Variants in NEURL4 observed in about 807,000 individuals in gnomAD.
NEURL4 encodes neuralized-like protein 4.
NEURL4 carries 45 observed loss-of-function variants against 148.0 expected under a neutral mutation model. The observed-to-expected ratio is 0.30, with a 90% CI of 0.24 to 0.39. The LOEUF is 0.39. NEURL4 is among the 10% of genes least tolerant of loss of function. The pLI, the probability that NEURL4 is intolerant of heterozygous loss-of-function variation, is 1.00. For missense variants in NEURL4, 1,776 were observed against 2,144.0 expected (o/e 0.83, Z 3.39); for synonymous variants, 854 against 869.0 (o/e 0.98, Z 0.30).
rs2072980016 is a variant in NEURL4 at position 7,318,380 on chromosome 17, C to G, written c.3865-24G>C. ...ACCTGCAGGGGAGAGGGTAGTCAGACAGAGCTTGGTCAGACCCCAGGGCCT... is the reference window on the plus strand; with the variant it reads ...ACCTGCAGGGGAGAGGGTAGTCAGAGAGAGCTTGGTCAGACCCCAGGGCCT... On this transcript the variant is annotated intron_variant, in intron 23 of 28. Coordinates refer to ENST00000399464, the MANE Select transcript of NEURL4 (RefSeq NM_032442.3). This position sits in a 1 kb window ranked among gnomAD's most constrained non-coding sequence, Gnocchi z 4.3. 6.2e-7 allele frequency: 1 copy of G among 1,613,626 alleles called. No individual in the cohort carries two copies. Among genetic ancestry groups the G allele is most frequent in the East Asian group, 2.2e-5 (1 of 44,880 alleles).
chr17:7,323,188 C>A (rs2073055537), intron 14 of NEURL4, 65 bp from the exon 15 acceptor site: 1 of 1,535,584 alleles, frequency 6.5e-7, no homozygotes, highest in East Asian at 2.3e-5. Flanking sequence ...CCCCTGCCCA[C>A]TCCCTGTCTG....
At chr17:7,323,218 T>C (rs2073055828) in intron 14 of NEURL4, 95 bp from the exon 15 acceptor site, 24 of 1,357,380 alleles carry the variant, frequency 1.8e-5, no homozygotes, top group Non-Finnish European at 2.3e-5. Flanking sequence ...TCCAATGTCT[T>C]GGGCTGGTGT....
intron 21 of NEURL4, among the ~76,000 whole-genome samples, chr17:7,319,701 A>AAAAAAAAC (rs1372505305): frequency 2.2e-5 from 2 of 89,198 alleles, no homozygotes; most frequent in Non-Finnish European, 4.7e-5. Flanking sequence ...ACTCCGTCTC[A>AAAAAAAAC]AAAAAAACAA....
chr17:7,321,418 C>A lies in NEURL4; in HGVS notation c.3141G>T (p.Thr1047=). The change falls in exon 19 of 29, where the codon ACG becomes ACT. Residue 1047 remains threonine, a synonymous_variant. Coordinates refer to ENST00000399464, the MANE Select transcript of NEURL4 (RefSeq NM_032442.3). The surrounding 1 kb of genome is among the most constrained non-coding windows in gnomAD (Gnocchi z 6.3). ...RVGVRRGADD[T]MHILVDGEDM... ...CCTCTCCATCCACCAGGATGTGCATCGTGTCATCTGCCCCCCGACGAACAC... is the reference window on the plus strand; with the variant it reads ...CCTCTCCATCCACCAGGATGTGCATAGTGTCATCTGCCCCCCGACGAACAC... 1 of 1,614,158 alleles carries A rather than the reference C, an allele frequency of 6.2e-7. No homozygotes were observed. The highest frequency in any genetic ancestry group is 8.5e-7 in the Non-Finnish European group (1 of 1,180,030).
chr17:7,322,031 T>A lies in NEURL4; in HGVS notation c.2726-21A>T, dbSNP rs753500368. ...AGCCACTGTGAAGAGATGGCACCAG[T>A]AGAAGGGGTAGGATTGGGGCAGCGA... is the stretch of plus-strand genomic sequence containing the variant. On this transcript the variant is annotated intron_variant, in intron 16 of 28. Transcript: ENST00000399464. This position sits in a 1 kb window ranked among gnomAD's most constrained non-coding sequence, Gnocchi z 5.5. 1.3e-6 allele frequency: 2 copies of A among 1,588,146 alleles called. No homozygotes were observed.
rs749273602 is a variant in NEURL4, at chr17:7,324,933, A to T, written c.1679T>A (p.Leu560Gln). ...NHGVVLSSRALRDGEVFQVRI... is the reference protein window; with the variant it reads ...NHGVVLSSRAQRDGEVFQVRI... ...CACCTGGAACACCTCTCCATCCCGC[A>T]GGGCTCTGCTGCTCAGCACCACGCC... The change falls in exon 9 of 29, where the codon CTG becomes CAG. Residue 560 changes from leucine (L) to glutamine (Q), a missense_variant. Physicochemically the swap from Leu to Gln is moderately radical, Grantham distance 113. Coordinates refer to ENST00000399464, the MANE Select transcript of NEURL4 (RefSeq NM_032442.3). This position sits in a 1 kb window ranked among gnomAD's most constrained non-coding sequence, Gnocchi z 5.9. 1 of 1,614,156 alleles carries T rather than the reference A, an allele frequency of 6.2e-7. No homozygotes were observed. Among genetic ancestry groups the T allele is most frequent in the Admixed American group, 1.7e-5 (1 of 60,020 alleles).
In NEURL4 at chr17:7,327,061, C is replaced by T. The variant is rs756355162; in HGVS notation, c.794-52G>A. 22 of 1,601,304 alleles carry T rather than the reference C, an allele frequency of 1.4e-5. No individual in the cohort carries two copies. The highest frequency in any genetic ancestry group is 1.8e-5 in the Non-Finnish European group (21 of 1,176,172). ...GCTCGGAAGTTGGGATGAGGCTCTA[C>T]ACCCCCAGACCTGGTGCCTCTCTCC... On this transcript the variant is annotated intron_variant, in intron 3 of 28. Transcript: ENST00000399464. This position sits in a 1 kb window ranked among gnomAD's most constrained non-coding sequence, Gnocchi z 6.6.
chr17:7,322,955 C>A lies in NEURL4; in HGVS notation c.2586G>T (p.Pro862=). The A allele has an allele frequency of 6.2e-7, 1 of 1,613,434 alleles. No homozygotes were observed. Among genetic ancestry groups the A allele is most frequent in the Non-Finnish European group, 8.5e-7 (1 of 1,179,710 alleles). The part of the protein sequence containing the change: ...DQGAACSGLP[P]GKEVYAVVDL... ...TGAAAGCCACATAGTCACCTTTACCCGGAGGCAGGCCCGAGCAGGCAGCGC... is the reference window on the plus strand; with the variant it reads ...TGAAAGCCACATAGTCACCTTTACCAGGAGGCAGGCCCGAGCAGGCAGCGC... Residue 862 remains proline (P), a synonymous_variant, in exon 15 of 29, where the codon CCG becomes CCT. Transcript: ENST00000399464. This position sits in a 1 kb window ranked among gnomAD's most constrained non-coding sequence, Gnocchi z 5.5.
chr17:7,328,187 C>A (rs2073127603), intron 1 of NEURL4, among the ~76,000 whole-genome samples: 1 of 152,196 alleles, frequency 6.6e-6, no homozygotes, highest in Non-Finnish European at 1.5e-5. Context: ...CATCCAAATT[C>A]TCCTACTTCC....
intron 7 of NEURL4, 67 bp downstream of exon 7, chr17:7,325,573 AG>A (rs1277552323): frequency 1.6e-5 from 26 of 1,585,540 alleles, no homozygotes; most frequent in Non-Finnish European, 2.2e-5. Context: ...CAGGAGGATG[AG>A]GTACAGCCCC....
rs1283350046 is a variant in NEURL4 at position 7,318,481 on chromosome 17, C to G, written c.3864+14G>C. 8 of 1,600,966 alleles carry G rather than the reference C, an allele frequency of 5.0e-6. No individual in the cohort carries two copies. In the Middle Eastern group the frequency reaches 5.0e-4, roughly 100 times the overall value. ...TCTCAGGCACCCCTCCTCCCTGCCC[C>G]CACTGCCACTAACCTGCTCACACTG... On this transcript the variant is annotated intron_variant, in intron 23 of 28. Transcript: ENST00000399464. This position sits in a 1 kb window ranked among gnomAD's most constrained non-coding sequence, Gnocchi z 4.3.
chr17:7,321,932 C>A lies in NEURL4; in HGVS notation c.2804G>T (p.Arg935Leu). 1 of 1,613,932 alleles carries A rather than the reference C, an allele frequency of 6.2e-7. No homozygotes were observed. Among genetic ancestry groups the A allele is most frequent in the South Asian group, 1.1e-5 (1 of 91,088 alleles). Residue 935 changes from arginine to leucine, a missense_variant, in exon 17 of 29, where the codon CGT becomes CTT. Transcript: ENST00000399464. This position sits in a 1 kb window ranked among gnomAD's most constrained non-coding sequence, Gnocchi z 6.3. ...TLEEDGTRAV[R>L]AAGYAHGLVF... ...AAGGCCATGAGCATAGCCAGCGGCA[C>A]GCACTGCCCTCGTGCCATCCTCCTC...
chr17:7,321,952 C>T lies in NEURL4; in HGVS notation c.2784G>A (p.Glu928=), dbSNP rs2073040300. The T allele has an allele frequency of 6.2e-7, 1 of 1,613,780 alleles. No homozygotes were observed. Among genetic ancestry groups the T allele is most frequent in the Non-Finnish European group, 8.5e-7 (1 of 1,180,006 alleles). ...CGGCACGCACTGCCCTCGTGCCATC[C>T]TCCTCTAGAGTGACGTTCTTGCCGC... The part of the protein sequence containing the change: ...STCGKNVTLE[E]DGTRAVRAAG... The change falls in exon 17 of 29, where the codon GAG becomes GAA. Residue 928 remains glutamate (E), a synonymous_variant. Transcript: ENST00000399464. This position sits in a 1 kb window ranked among gnomAD's most constrained non-coding sequence, Gnocchi z 6.3.
chr17:7,319,164 G>C lies in NEURL4; in HGVS notation c.3570C>G (p.Val1190=). 6.2e-7 allele frequency: 1 copy of C among 1,613,884 alleles called. No individual in the cohort carries two copies. The highest frequency in any genetic ancestry group is 8.5e-7 in the Non-Finnish European group (1 of 1,179,912). ...FLNRQWTSSL[V]LGVITCAPER... is the part of the protein sequence containing the mutation. Reference sequence around the variant, plus strand: ...CAGGCGCGCAGGTGATGACTCCCAGGACAAGGGAAGATGTCCACTGTCGGT... The same window carrying C: ...CAGGCGCGCAGGTGATGACTCCCAGCACAAGGGAAGATGTCCACTGTCGGT... Residue 1190 remains valine (V), a synonymous_variant, in exon 22 of 29, where the codon GTC becomes GTG. Transcript: ENST00000399464.
intron 8 of NEURL4, 65 bp downstream of exon 8, chr17:7,325,144 T>TTGGGGGG: frequency 2.9e-5 from 28 of 956,422 alleles, no homozygotes; most frequent in Non-Finnish European, 4.3e-5. Context: ...TCCACTTCCT[T>TTGGGGGG]GCCCCGCCCC....
chr17:7,325,306 G>A lies in NEURL4; in HGVS notation c.1534C>T (p.Pro512Ser), dbSNP rs2073090074. The A allele has an allele frequency of 6.2e-7, 1 of 1,611,624 alleles. No homozygotes were observed. Among genetic ancestry groups the A allele is most frequent in the Non-Finnish European group, 8.5e-7 (1 of 1,179,146 alleles). The change falls in exon 8 of 29, where the codon CCT becomes TCT. Residue 512 changes from proline (P) to serine (S), a missense_variant. By Grantham distance (74) the Pro-to-Ser change is moderately conservative. Coordinates refer to ENST00000399464, the MANE Select transcript of NEURL4 (RefSeq NM_032442.3). ...CGCTCAGGTTCTGCCTGGGCGGCAG[G>A]GGCAGCACGGCGGAGAGCACCCTCG... ...SPEGALRRAA[P>S]AAQAEPERLL...
rs773470479 is a variant in NEURL4, at chr17:7,317,494, G to A, written c.4285C>T (p.Arg1429Trp). Residue 1429 changes from arginine to tryptophan, a missense_variant, in exon 27 of 29, where the codon CGG becomes TGG. Transcript: ENST00000399464. ...AYHGSNVAAVRRVLDRGELGA... is the reference protein window; with the variant it reads ...AYHGSNVAAVWRVLDRGELGA... ...AGCTCCCCTCGGTCCAGCACTCTCCGTACAGCGGCAACATTGCTCCCGTGA... is the reference window on the plus strand; with the variant it reads ...AGCTCCCCTCGGTCCAGCACTCTCCATACAGCGGCAACATTGCTCCCGTGA... 6.2e-7 allele frequency: 1 copy of A among 1,614,140 alleles called. No individual in the cohort carries two copies. The highest frequency in any genetic ancestry group is 8.5e-7 in the Non-Finnish European group (1 of 1,180,022).
At position 7,327,185 on chromosome 17, in the gene NEURL4, T is replaced by G. The variant is rs768284747; in HGVS notation, c.773A>C (p.Asn258Thr). The change falls in exon 3 of 29, where the codon AAC becomes ACC. Residue 258 changes from asparagine (N) to threonine (T), a missense_variant. Coordinates refer to ENST00000399464, the MANE Select transcript of NEURL4 (RefSeq NM_032442.3). The surrounding 1 kb of genome is among the most constrained non-coding windows in gnomAD (Gnocchi z 6.6). ...PAQARPETFP[N>T]SLESHNDFAN... ...CTCACCATTATGCGACTCAAGGCTGTTAGGAAACGTCTCCGGCCGGGCCTG... is the reference window on the plus strand; with the variant it reads ...CTCACCATTATGCGACTCAAGGCTGGTAGGAAACGTCTCCGGCCGGGCCTG... 41 of 1,612,524 alleles carry G rather than the reference T, an allele frequency of 2.5e-5. No homozygotes were observed. Among genetic ancestry groups the G allele is most frequent in the Middle Eastern group, 1.7e-4 (1 of 6,058 alleles).
chr17:7,326,322 C>T lies in NEURL4; in HGVS notation c.1226G>A (p.Cys409Tyr). The change falls in exon 6 of 29, where the codon TGT (cysteine) becomes TAT (tyrosine). Residue 409 changes from cysteine to tyrosine, a missense_variant. Coordinates refer to ENST00000399464, the MANE Select transcript of NEURL4 (RefSeq NM_032442.3). The surrounding 1 kb of genome is among the most constrained non-coding windows in gnomAD (Gnocchi z 6.0). ...LQSGTIMMSG[C>Y]GILTNGKGTR... ...GCCCTTGCCATTGGTCAGGATTCCA[C>T]AGCCGCTCATCATGATGGTGCCTGG... 1 of 1,614,176 alleles carries T rather than the reference C, an allele frequency of 6.2e-7. No homozygotes were observed. The highest frequency in any genetic ancestry group is 8.5e-7 in the Non-Finnish European group (1 of 1,180,018).
Sources: allele counts gnomAD v4.1 joint callset (sites outside exome capture counted in the v4.1 genomes callset), GRCh38; gene constraint gnomAD v4.1.1; non-coding constraint Gnocchi (gnomAD v3.1); transcripts MANE v1.5; gene names NCBI Gene and HGNC (gene_info 2026-07-23, HGNC 2026-07-21).